NRG1: variants seen among roughly 807,000 people sequenced by gnomAD.
NRG1 encodes pro-neuregulin-1, membrane-bound isoform.
In NRG1, 18 loss-of-function variants were observed where a neutral mutation model predicts 63.8. The ratio of observed to expected loss-of-function variants is 0.28; its 90% confidence interval spans 0.19 to 0.42. The LOEUF is 0.42. Ranked by LOEUF, NRG1 falls within the 10% of genes least tolerant of loss-of-function variation. The pLI is 1.00. For synonymous variants in NRG1, 302 were observed against 301.3 expected (o/e 1.00, Z -0.02); for missense variants, 762 against 814.7 (o/e 0.94, Z 0.79).
intron 1 of NRG1, among the ~76,000 whole-genome samples, chr8:32,383,216 C>A (rs916991302): frequency 2.0e-5 from 3 of 152,244 alleles, no homozygotes; most frequent in Middle Eastern, 3.4e-3. Flanking sequence ...TAGAGCAAGA[C>A]CCTGTCTCTA....
chr8:31,816,423 C>G (rs1245347152), intron 1 of NRG1, among the ~76,000 whole-genome samples: 1 of 152,202 alleles, frequency 6.6e-6, no homozygotes, highest in Non-Finnish European at 1.5e-5. Flanking sequence ...GTAATTCCTT[C>G]TTCCTTTCCT....
chr8:32,547,152 G>A (rs527470449), upstream of NRG1, among the ~76,000 whole-genome samples: 75 of 152,292 alleles, frequency 4.9e-4, no homozygotes, highest in Non-Finnish European at 6.8e-4. Flanking sequence ...TTCTCTACAT[G>A]TAGACAATTC....
At chr8:32,353,792 T>C (rs1805966611) in intron 1 of NRG1, among the ~76,000 whole-genome samples, 1 of 152,156 alleles carries the variant, frequency 6.6e-6, no homozygotes, top group Non-Finnish European at 1.5e-5. Context: ...ACATATCCCA[T>C]GTAAGCCAGC....
chr8:31,989,009 G>A (rs1810566790), intron 1 of NRG1, among the ~76,000 whole-genome samples: 1 of 151,882 alleles, frequency 6.6e-6, no homozygotes, highest in Non-Finnish European at 1.5e-5. Context: ...AGCACTTTAG[G>A]AGGCTGAGGT....
intron 1 of NRG1, among the ~76,000 whole-genome samples, chr8:32,225,156 T>C (rs1846194000): frequency 1.3e-5 from 2 of 152,204 alleles, no homozygotes; most frequent in Admixed American, 1.3e-4. Flanking sequence ...GAAGTCTTTT[T>C]TCTTCCAGTG....
At chr8:31,853,334 G>C (rs1292097181) in intron 1 of NRG1, among the ~76,000 whole-genome samples, 3 of 150,980 alleles carry the variant, frequency 2.0e-5, no homozygotes, top group Non-Finnish European at 4.4e-5. Flanking sequence ...CACATCCCTT[G>C]TAAGTTGGAT....
intron 1 of NRG1, among the ~76,000 whole-genome samples, chr8:32,320,464 G>T (rs1801251113): frequency 6.6e-6 from 1 of 152,134 alleles, no homozygotes. Context: ...TGTACTAGAA[G>T]CATGGCTGGA....
chr8:31,909,486 A>G (rs1832774306), intron 1 of NRG1, among the ~76,000 whole-genome samples: 1 of 152,174 alleles, frequency 6.6e-6, no homozygotes, highest in Admixed American at 6.5e-5. Flanking sequence ...AGCCTTGAAA[A>G]TAAGATGACT....
At chr8:31,828,501 T>C (rs562325699) in intron 1 of NRG1, among the ~76,000 whole-genome samples, 1 of 152,280 alleles carries the variant, frequency 6.6e-6, no homozygotes, top group East Asian at 1.9e-4. Flanking sequence ...CTGGGTCCAA[T>C]AATCCCCCGA....
At chr8:32,214,676 AG>A (rs1845035145) in intron 1 of NRG1, among the ~76,000 whole-genome samples, 1 of 152,110 alleles carries the variant, frequency 6.6e-6, no homozygotes, top group African/African-American at 2.4e-5. Flanking sequence ...AGAGAGAGAG[AG>A]AGAATTCTTT....
chr8:32,005,421 A>C (rs903467311), intron 1 of NRG1, among the ~76,000 whole-genome samples: 1 of 152,042 alleles, frequency 6.6e-6, no homozygotes, highest in African/African-American at 2.4e-5. Context: ...TCCTATAAAA[A>C]GGTTTAGATT....
intron 1 of NRG1, among the ~76,000 whole-genome samples, chr8:31,883,179 C>CT (rs1830478638): frequency 6.6e-6 from 1 of 152,122 alleles, no homozygotes; most frequent in South Asian, 2.1e-4. Context: ...CCTGATCAGT[C>CT]AGCAGCCATC....
chr8:32,206,171 T>C (rs1248324829), intron 1 of NRG1, among the ~76,000 whole-genome samples: 1 of 152,130 alleles, frequency 6.6e-6, no homozygotes, highest in Non-Finnish European at 1.5e-5. Context: ...TATTGGAAGA[T>C]GATGGAAAAG....
intron 1 of NRG1, among the ~76,000 whole-genome samples, chr8:32,166,576 A>G (rs914331155): frequency 1.3e-5 from 2 of 152,172 alleles, no homozygotes; most frequent in African/African-American, 4.8e-5. Context: ...AATTTGTGAC[A>G]AGTTGTATTT....
Position 31,714,068 on chromosome 8 carries a change from G to A in NRG1, c.37+74637G>A, listed in dbSNP as rs1418509373. On this transcript the variant is annotated intron_variant, in intron 1 of 10. Transcript: ENST00000519301. ...GCTGGGATTACAGGCGTGAGCCACC[G>A]CGCCCGGCCTTTCTCTGTTTCTTTA... Among the ~76,000 whole-genome samples the A allele has an allele frequency of 4.1e-3, 2 of 486 alleles. 1 individual carries two copies. The highest frequency in any genetic ancestry group is 4.2e-3 in the African/African-American group (2 of 476). The allele number at this position is 486 out of a possible 152,430, so 0.3% of individuals were successfully genotyped here. A position where few individuals can be genotyped will look rare whatever the true frequency, so the allele number is the denominator to read the frequency against.
rs761032041 is a variant in NRG1 at position 32,647,776 on chromosome 8, C to G, written c.502+30891C>G. 5.0e-6 allele frequency: 8 copies of G among 1,610,006 alleles called. No homozygotes were observed. The South Asian group carries it at 7.7e-5, about 15-fold the overall frequency. ...GCCGCCGAGAGGTCCTCCAGCCCCTCCACTCAGCTGAGTGCAGACCCATCT... is the reference window on the plus strand; with the variant it reads ...GCCGCCGAGAGGTCCTCCAGCCCCTGCACTCAGCTGAGTGCAGACCCATCT... On this transcript the variant is annotated intron_variant, in intron 5 of 11. Transcript: ENST00000356819.
intron 1 of NRG1, among the ~76,000 whole-genome samples, chr8:32,262,812 T>C (rs2129471734): frequency 6.6e-6 from 1 of 152,298 alleles, no homozygotes; most frequent in African/African-American, 2.4e-5. Flanking sequence ...TAAGAATATA[T>C]TAATACATGG....
intron 5 of NRG1, among the ~76,000 whole-genome samples, chr8:32,661,459 A>G (rs1802830977): frequency 6.6e-6 from 1 of 152,210 alleles, no homozygotes; most frequent in Non-Finnish European, 1.5e-5. Flanking sequence ...AGAGCCATTA[A>G]CATTTTAAAA....
chr8:31,854,353 G>T (rs1405831474), intron 1 of NRG1, among the ~76,000 whole-genome samples: 1 of 152,222 alleles, frequency 6.6e-6, no homozygotes, highest in East Asian at 1.9e-4. Flanking sequence ...GAGTGTATGT[G>T]TCCAGAAATT....
Sources: allele counts gnomAD v4.1 joint callset (sites outside exome capture counted in the v4.1 genomes callset), GRCh38; gene constraint gnomAD v4.1.1; transcripts MANE v1.5; gene names NCBI Gene and HGNC (gene_info 2026-07-23, HGNC 2026-07-21).